Variants in MAGEB2 observed in about 807,000 individuals in gnomAD.
The protein encoded by MAGEB2 is melanoma-associated antigen B2.
For synonymous variants in MAGEB2, 107 were observed against 96.2 expected, an observed-to-expected ratio of 1.11 and a Z score of -0.66; for missense variants, 365 against 243.2, an observed-to-expected ratio of 1.50 and a Z score of -3.33.
In MAGEB2 at chrX:30,219,341, A is replaced by G; in HGVS notation, c.761A>G (p.Gln254Arg). ...AAGCTCATCACCAAAGATCTGGTGCAGGAAAAATATCTGGAGTACAAGCAG... is the reference window on the plus strand; with the variant it reads ...AAGCTCATCACCAAAGATCTGGTGCGGGAAAAATATCTGGAGTACAAGCAG... ...PWKLITKDLV[Q>R]EKYLEYKQVP... is the part of the protein sequence containing the mutation. The change falls in exon 2 of 2, where the codon CAG becomes CGG. Residue 254 changes from glutamine (Q) to arginine (R), a missense_variant. Physicochemically the swap from Gln to Arg is conservative, Grantham distance 43. Transcript: ENST00000378988. 1 of 1,211,935 alleles carries G rather than the reference A, an allele frequency of 8.3e-7. No individual in the cohort carries two copies.
rs59753945 is a variant in MAGEB2 at position 30,216,886 on chromosome X, TA to T, written c.-6+1249del. On this transcript the variant is annotated intron_variant, in intron 1 of 1. Coordinates refer to ENST00000378988, the MANE Select transcript of MAGEB2 (RefSeq NM_002364.5). Reference sequence around the variant, plus strand: ...GGCGAAAGGGCGAGACTCCGTCTCTTAAAAAAAAAAAAAAAAAAGGCAGCTT... The same window carrying T: ...GGCGAAAGGGCGAGACTCCGTCTCTTAAAAAAAAAAAAAAAAAGGCAGCTT... Among the ~76,000 whole-genome samples, 165 of 87,453 alleles carry T rather than the reference TA, an allele frequency of 1.9e-3. 1 individual carries two copies. The highest frequency in any genetic ancestry group is 7.4e-3 in the Admixed American group (57 of 7,661). The allele number at this position is 87,453 out of a possible 115,157, so 75.9% of individuals were successfully genotyped here.
rs146783301 is a variant in MAGEB2 at position 30,218,840 on chromosome X, G to A, written c.260G>A (p.Ser87Asn). 8.4e-7 allele frequency: 1 copy of A among 1,196,910 alleles called. No homozygotes were observed. Among genetic ancestry groups the A allele is most frequent in the African/African-American group, 1.8e-5 (1 of 56,934 alleles). Residue 87 changes from serine to asparagine, a missense_variant, in exon 2 of 2, where the codon AGC (serine) becomes AAC (asparagine). Ser to Asn is a conservative substitution (Grantham distance 46). Coordinates refer to ENST00000378988, the MANE Select transcript of MAGEB2 (RefSeq NM_002364.5). ...ACAAAATCTAAAAAAGGTGCCAAGA[G>A]CCACCAAGGTGAGAAAAATGCAAGT... ...SSTKSKKGAK[S>N]HQGEKNASSS...
Position 30,219,492 on chromosome X carries a change from A to G in MAGEB2, c.912A>G (p.Pro304=). The part of the protein sequence containing the change: ...KVNGTTPCAF[P]THYEEALKDE... ...ATGGTACCACCCCCTGTGCCTTCCC[A>G]ACCCATTACGAAGAAGCTTTGAAAG... The change falls in exon 2 of 2, where the codon CCA becomes CCG. Residue 304 remains proline (P), a synonymous_variant. Coordinates refer to ENST00000378988, the MANE Select transcript of MAGEB2 (RefSeq NM_002364.5). 3 of 1,208,689 alleles carry G rather than the reference A, an allele frequency of 2.5e-6. No homozygotes were observed. Among genetic ancestry groups the G allele is most frequent in the Non-Finnish European group, 3.4e-6 (3 of 894,028 alleles).
In MAGEB2 at chrX:30,218,756, C is replaced by T. The variant is rs967467397; in HGVS notation, c.176C>T (p.Pro59Leu). The T allele has an allele frequency of 3.4e-6, 4 of 1,191,015 alleles. No individual in the cohort carries two copies. The African/African-American group carries it at 5.3e-5, about 16-fold the overall frequency. Reference protein sequence around the residue: ...AASSSPAAGIPQEPQRAPTTA... With the variant: ...AASSSPAAGILQEPQRAPTTA... ...TCAAGCTCTCCTGCTGCTGGCATTCCCCAGGAGCCTCAGAGAGCCCCAACC... is the reference window on the plus strand; with the variant it reads ...TCAAGCTCTCCTGCTGCTGGCATTCTCCAGGAGCCTCAGAGAGCCCCAACC... The change falls in exon 2 of 2, where the codon CCC (proline) becomes CTC (leucine). Residue 59 changes from proline (P) to leucine (L), a missense_variant. Coordinates refer to ENST00000378988, the MANE Select transcript of MAGEB2 (RefSeq NM_002364.5).
chrX:30,218,734 A>G lies in MAGEB2; in HGVS notation c.154A>G (p.Ser52Gly). Residue 52 changes from serine (S) to glycine (G), a missense_variant, in exon 2 of 2, where the codon AGC (serine) becomes GGC (glycine). By Grantham distance (56) the Ser-to-Gly change is moderately conservative. Transcript: ENST00000378988. ...SSSVSGGAAS[S>G]SPAAGIPQEP... ...TTCTGTTTCTGGGGGTGCTGCTTCA[A>G]GCTCTCCTGCTGCTGGCATTCCCCA... 2 of 1,198,939 alleles carry G rather than the reference A, an allele frequency of 1.7e-6. No homozygotes were observed. Among genetic ancestry groups the G allele is most frequent in the African/African-American group, 1.7e-5 (1 of 57,623 alleles).
Position 30,219,011 on chromosome X carries a change from G to C in MAGEB2, c.431G>C (p.Arg144Thr). Reference protein sequence around the residue: ...KGEMLKIVGKRFREHFPEILK... With the variant: ...KGEMLKIVGKTFREHFPEILK... ...GAAATGCTGAAAATTGTTGGCAAAA[G>C]GTTCAGGGAGCACTTCCCTGAGATC... is the stretch of plus-strand genomic sequence containing the variant. The change falls in exon 2 of 2, where the codon AGG becomes ACG. Residue 144 changes from arginine to threonine, a missense_variant. Arg to Thr is a moderately conservative substitution (Grantham distance 71). Transcript: ENST00000378988. 2 of 1,210,709 alleles carry C rather than the reference G, an allele frequency of 1.7e-6. No homozygotes were observed. The highest frequency in any genetic ancestry group is 2.2e-6 in the Non-Finnish European group (2 of 895,011).
At position 30,219,517 on chromosome X, in the gene MAGEB2, G is replaced by C. The variant is rs1171091787; in HGVS notation, c.937G>C (p.Asp313His). ...AACCCATTACGAAGAAGCTTTGAAA[G>C]ATGAAGAGAAAGCCGGAGTCTGAGC... The part of the protein sequence containing the change: ...FPTHYEEALK[D>H]EEKAGV The change falls in exon 2 of 2, where the codon GAT becomes CAT. Residue 313 changes from aspartate (D) to histidine (H), a missense_variant. By Grantham distance (81) the Asp-to-His change is moderately conservative. Transcript: ENST00000378988. The C allele has an allele frequency of 8.3e-7, 1 of 1,203,606 alleles. No individual in the cohort carries two copies. The highest frequency in any genetic ancestry group is 2.3e-4 in the Middle Eastern group (1 of 4,314).
Position 30,215,669 on chromosome X carries a change from G to A in MAGEB2, c.-6+14G>A, listed in dbSNP as rs1924376231. The A allele has an allele frequency of 9.0e-6, 1 of 110,747 alleles. No homozygotes were observed. 9.1% of individuals were successfully genotyped at this position (110,747 alleles called of 1,213,427 possible). A position where few individuals can be genotyped will look rare whatever the true frequency, so the allele number is the denominator to read the frequency against. On this transcript the variant is annotated intron_variant, in intron 1 of 1. Coordinates refer to ENST00000378988, the MANE Select transcript of MAGEB2 (RefSeq NM_002364.5). ...TCGGCAGTCAAGGTGAGGACCCTGAGTGTAAACTGAAGAGACCACCCCCAC... is the reference window on the plus strand; with the variant it reads ...TCGGCAGTCAAGGTGAGGACCCTGAATGTAAACTGAAGAGACCACCCCCAC...
rs1310394679 is a variant in MAGEB2 at position 30,219,630 on chromosome X, T to C, written c.*90T>C. 2.4e-6 allele frequency: 2 copies of C among 822,974 alleles called. No homozygotes were observed. Among genetic ancestry groups the C allele is most frequent in the Non-Finnish European group, 1.7e-6 (1 of 590,003 alleles). 67.8% of individuals were successfully genotyped at this position (822,974 alleles called of 1,213,427 possible). A position where few individuals can be genotyped will look rare whatever the true frequency, so the allele number is the denominator to read the frequency against. Reference sequence around the variant, plus strand: ...CCTGCTGTTCTCACCCCCAATGAGGTCTTAGGCAGATTCTTTACTTTGTAA... The same window carrying C: ...CCTGCTGTTCTCACCCCCAATGAGGCCTTAGGCAGATTCTTTACTTTGTAA... On this transcript the variant is annotated 3_prime_UTR_variant, in exon 2 of 2. Transcript: ENST00000378988.
At chrX:30,216,224 G>A (rs182855821) in intron 1 of MAGEB2, among the ~76,000 whole-genome samples, 419 of 112,151 alleles carry the variant, frequency 3.7e-3, no homozygotes, top group African/African-American at 8.2e-3. Flanking sequence ...CAAATGCAGA[G>A]CAACCTGACT....
At position 30,219,703 on chromosome X, in the gene MAGEB2, T is replaced by C; in HGVS notation, c.*163T>C. ...GTTCTTGTTATGCATGAATAACTTG[T>C]TGACTTTTTTTTTTTCTCTTTTTCA... On this transcript the variant is annotated 3_prime_UTR_variant, in exon 2 of 2. Transcript: ENST00000378988. 1 of 390,988 alleles carries C rather than the reference T, an allele frequency of 2.6e-6. No homozygotes were observed. The highest frequency in any genetic ancestry group is 4.2e-6 in the Non-Finnish European group (1 of 237,733). 32.2% of individuals were successfully genotyped at this position (390,988 alleles called of 1,213,427 possible). A position where few individuals can be genotyped will look rare whatever the true frequency, so the allele number is the denominator to read the frequency against.
At chrX:30,215,835 G>A (rs1016884948) in intron 1 of MAGEB2, among the ~76,000 whole-genome samples, 180 bp downstream of exon 1, 1 of 110,855 alleles carries the variant, frequency 9.0e-6, no homozygotes. Flanking sequence ...GGGGAAGGAG[G>A]TTTGGACGCA....
chrX:30,218,587 C>T lies in MAGEB2; in HGVS notation c.7C>T (p.Arg3Cys), dbSNP rs765958802. The T allele has an allele frequency of 1.2e-5, 14 of 1,202,070 alleles. No individual in the cohort carries two copies. The highest frequency in any genetic ancestry group is 1.6e-5 in the Non-Finnish European group (14 of 889,973). Residue 3 changes from arginine (R) to cysteine (C), a missense_variant, in exon 2 of 2, where the codon CGT becomes TGT. Arg to Cys is a radical substitution (Grantham distance 180, BLOSUM62 -3). Coordinates refer to ENST00000378988, the MANE Select transcript of MAGEB2 (RefSeq NM_002364.5). MP[R>C]GQKSKLRARE... ...CTTGGTTTACCCAGCCATCATGCCT[C>T]GTGGTCAGAAGAGTAAGCTCCGTGC...
rs2147331318 is a variant in MAGEB2, at chrX:30,220,068, A to G, written c.*528A>G. On this transcript the variant is annotated 3_prime_UTR_variant, in exon 2 of 2. Transcript: ENST00000378988. ...TTTATGTTATTCAAGAATGTGTGAG[A>G]AATTAAACCATAGTTAGTTAATCCT... 1 of 123,539 alleles carries G rather than the reference A, an allele frequency of 8.1e-6. No homozygotes were observed. The highest frequency in any genetic ancestry group is 3.7e-4 in the South Asian group (1 of 2,694). The allele number at this position is 123,539 out of a possible 1,213,427, so 10.2% of individuals were successfully genotyped here.
Position 30,220,078 on chromosome X carries a change from ATAGT to A in MAGEB2, c.*545_*548del, listed in dbSNP as rs764868986. On this transcript the variant is annotated 3_prime_UTR_variant, in exon 2 of 2. Coordinates refer to ENST00000378988, the MANE Select transcript of MAGEB2 (RefSeq NM_002364.5). The stretch of plus-strand genomic sequence containing the variant: ...TCAAGAATGTGTGAGAAATTAAACC[ATAGT>A]TAGTTAATCCTCTTGTTTATGGCTC... 5.3e-4 allele frequency: 65 copies of A among 123,461 alleles called. No homozygotes were observed. The highest frequency in any genetic ancestry group is 1.8e-3 in the Admixed American group (19 of 10,562). 10.2% of individuals were successfully genotyped at this position (123,461 alleles called of 1,213,427 possible).
Position 30,219,695 on chromosome X carries a change from AT to A in MAGEB2, c.*156del. 2.4e-6 allele frequency: 1 copy of A among 422,465 alleles called. No homozygotes were observed. 34.8% of individuals were successfully genotyped at this position (422,465 alleles called of 1,213,427 possible). ...TAACCTTTGTTCTTGTTATGCATGA[AT>A]AACTTGTTGACTTTTTTTTTTTCTC... is the stretch of plus-strand genomic sequence containing the variant. On this transcript the variant is annotated 3_prime_UTR_variant, in exon 2 of 2. Transcript: ENST00000378988.
chrX:30,219,702 G>T lies in MAGEB2; in HGVS notation c.*162G>T. On this transcript the variant is annotated 3_prime_UTR_variant, in exon 2 of 2. Coordinates refer to ENST00000378988, the MANE Select transcript of MAGEB2 (RefSeq NM_002364.5). ...TGTTCTTGTTATGCATGAATAACTT[G>T]TTGACTTTTTTTTTTTCTCTTTTTC... 2 of 379,954 alleles carry T rather than the reference G, an allele frequency of 5.3e-6. No homozygotes were observed. Among genetic ancestry groups the T allele is most frequent in the African/African-American group, 3.0e-5 (1 of 33,606 alleles). The allele number at this position is 379,954 out of a possible 1,213,427, so 31.3% of individuals were successfully genotyped here.
In MAGEB2 at chrX:30,219,088, A is replaced by G; in HGVS notation, c.508A>G (p.Lys170Glu). Reference sequence around the variant, plus strand: ...TGTTGTCTTTGGCCTTGAGCTGAATAAAGTCAACCCCAACGGCCACACTTA... The same window carrying G: ...TGTTGTCTTTGGCCTTGAGCTGAATGAAGTCAACCCCAACGGCCACACTTA... ...LSVVFGLELN[K>E]VNPNGHTYTF... Residue 170 changes from lysine (K) to glutamate (E), a missense_variant, in exon 2 of 2, where the codon AAA becomes GAA. Transcript: ENST00000378988. 8.3e-7 allele frequency: 1 copy of G among 1,210,614 alleles called. No homozygotes were observed. Among genetic ancestry groups the G allele is most frequent in the Non-Finnish European group, 1.1e-6 (1 of 894,740 alleles).
chrX:30,219,386 C>A lies in MAGEB2; in HGVS notation c.806C>A (p.Pro269Gln). ...AAGCAGGTGCCCAGCAGTGATCCCC[C>A]ACGCTTTCAATTCCTGTGGGGTCCG... ...EYKQVPSSDP[P>Q]RFQFLWGPRA... The change falls in exon 2 of 2, where the codon CCA becomes CAA. Residue 269 changes from proline to glutamine, a missense_variant. Transcript: ENST00000378988. The A allele has an allele frequency of 8.3e-7, 1 of 1,211,930 alleles. No homozygotes were observed. Among genetic ancestry groups the A allele is most frequent in the Admixed American group, 2.2e-5 (1 of 46,087 alleles).
Sources: allele counts gnomAD v4.1 joint callset (sites outside exome capture counted in the v4.1 genomes callset), GRCh38; gene constraint gnomAD v4.1.1; transcripts MANE v1.5; gene names NCBI Gene and HGNC (gene_info 2026-07-23, HGNC 2026-07-21).